KHDRBS2: variants seen among roughly 807,000 people sequenced by gnomAD.
The protein encoded by KHDRBS2 is KH RNA binding domain containing, signal transduction associated 2.
A neutral mutation model predicts 44.3 loss-of-function variants in KHDRBS2; 26 were observed. That is an observed-to-expected ratio of 0.59 (90% confidence interval 0.43 to 0.81). KHDRBS2 has a LOEUF of 0.81. Among genes scored for constraint, KHDRBS2 ranks in the 40% least tolerant of loss-of-function variants. The pLI, the probability that KHDRBS2 is intolerant of heterozygous loss-of-function variation, is 0.00. For synonymous variants in KHDRBS2, 194 were observed against 151.1 expected, an observed-to-expected ratio of 1.28 and a Z score of -2.08; for missense variants, 476 against 433.1, an observed-to-expected ratio of 1.10 and a Z score of -0.88.
intron 2 of KHDRBS2, among the ~76,000 whole-genome samples, chr6:62,115,107 A>T (rs1337732368): frequency 6.6e-6 from 1 of 152,192 alleles, no homozygotes; most frequent in Non-Finnish European, 1.5e-5. Context: ...ATTTTCTTGA[A>T]AAATATACAC....
At chr6:61,791,896 A>G (rs538924310) in intron 6 of KHDRBS2, among the ~76,000 whole-genome samples, 14 of 151,414 alleles carry the variant, frequency 9.2e-5, no homozygotes, top group Non-Finnish European at 7.4e-5. Context: ...TCCATTTATA[A>G]CTATTATAAT....
chr6:61,949,122 T>A (rs888219098), intron 4 of KHDRBS2, among the ~76,000 whole-genome samples: 2 of 152,146 alleles, frequency 1.3e-5, no homozygotes, highest in Non-Finnish European at 2.9e-5. Flanking sequence ...TGGAAGAGGC[T>A]GTGATTGTCA....
intron 6 of KHDRBS2, among the ~76,000 whole-genome samples, chr6:61,828,144 G>T (rs1791211813): frequency 6.6e-6 from 1 of 152,138 alleles, no homozygotes; most frequent in African/African-American, 2.4e-5. Context: ...CAAGCCTTCT[G>T]GATTTCCTGA....
intron 8 of KHDRBS2, among the ~76,000 whole-genome samples, chr6:61,682,764 T>G (rs1766440663): frequency 6.6e-6 from 1 of 151,878 alleles, no homozygotes; most frequent in South Asian, 2.1e-4. Flanking sequence ...GGCAGGAATT[T>G]ATCCCCAAAC....
chr6:62,237,829 A>C (rs1585350314), intron 1 of KHDRBS2, among the ~76,000 whole-genome samples: 1 of 152,246 alleles, frequency 6.6e-6, no homozygotes, highest in South Asian at 2.1e-4. Flanking sequence ...TCACGAGGTC[A>C]GGAGTTTCAG....
At chr6:61,681,706 C>T (rs1766330169) in intron 8 of KHDRBS2, among the ~76,000 whole-genome samples, 1 of 151,772 alleles carries the variant, frequency 6.6e-6, no homozygotes, top group African/African-American at 2.4e-5. Context: ...ATTAGTACAC[C>T]AGGAAAACTC....
intron 2 of KHDRBS2, among the ~76,000 whole-genome samples, chr6:62,065,908 C>A (rs951759811): frequency 1.3e-5 from 2 of 151,680 alleles, no homozygotes; most frequent in Non-Finnish European, 1.5e-5. Flanking sequence ...ATTCATTCTG[C>A]TATAAATAAT....
At chr6:61,953,445 T>C (rs1765193180) in intron 4 of KHDRBS2, among the ~76,000 whole-genome samples, 1 of 152,050 alleles carries the variant, frequency 6.6e-6, no homozygotes, top group African/African-American at 2.4e-5. Flanking sequence ...ATATACATGC[T>C]GACTCAGAAC....
chr6:62,066,137 T>G (rs1246181650), intron 2 of KHDRBS2, among the ~76,000 whole-genome samples: 4 of 118,674 alleles, frequency 3.4e-5, no homozygotes, highest in Non-Finnish European at 6.1e-5. Flanking sequence ...AAAAATATCA[T>G]TATTAAGTGA....
intron 3 of KHDRBS2, among the ~76,000 whole-genome samples, chr6:62,038,740 A>G (rs1584301296): frequency 6.6e-6 from 1 of 152,194 alleles, no homozygotes; most frequent in East Asian, 1.9e-4. Flanking sequence ...TTTCTCTTTA[A>G]AAAACATGGC....
intron 4 of KHDRBS2, among the ~76,000 whole-genome samples, chr6:61,915,038 G>A (rs1318429673): frequency 1.3e-5 from 2 of 152,050 alleles, no homozygotes; most frequent in African/African-American, 4.8e-5. Context: ...TAATAACCCA[G>A]TTTTCCTAAG....
At chr6:61,815,385 G>A (rs1444804648) in intron 6 of KHDRBS2, among the ~76,000 whole-genome samples, 1 of 152,114 alleles carries the variant, frequency 6.6e-6, no homozygotes, top group Non-Finnish European at 1.5e-5. Context: ...AACTGAAACT[G>A]CAGTAAGCAA....
intron 4 of KHDRBS2, among the ~76,000 whole-genome samples, chr6:61,976,561 T>A (rs1772715511): frequency 6.6e-6 from 1 of 152,116 alleles, no homozygotes; most frequent in African/African-American, 2.4e-5. Context: ...ACAATATATT[T>A]AAACCATCCA....
intron 4 of KHDRBS2, among the ~76,000 whole-genome samples, chr6:61,953,083 C>A (rs1272145905): frequency 6.6e-6 from 1 of 151,140 alleles, no homozygotes; most frequent in South Asian, 2.1e-4. Flanking sequence ...CATATTTGGC[C>A]CAAATTAGAG....
chr6:62,170,952 C>CAAA (rs34963723), intron 2 of KHDRBS2, among the ~76,000 whole-genome samples: 16 of 129,812 alleles, frequency 1.2e-4, no homozygotes, highest in South Asian at 7.4e-4. Context: ...AAGATAAACG[C>CAAA]AAAAAAAAAA....
At chr6:62,283,547 A>C (rs2150198485) in intron 1 of KHDRBS2, among the ~76,000 whole-genome samples, 1 of 152,258 alleles carries the variant, frequency 6.6e-6, no homozygotes, top group Admixed American at 6.5e-5. Flanking sequence ...TACTGACTGA[A>C]ATGTACTTTG....
At chr6:61,982,090 T>C (rs1276292838) in intron 3 of KHDRBS2, among the ~76,000 whole-genome samples, 1 of 152,196 alleles carries the variant, frequency 6.6e-6, no homozygotes, top group Non-Finnish European at 1.5e-5. Context: ...CATAGGTAGT[T>C]ACTATTAATA....
chr6:62,187,456 A>G (rs1291917630), intron 1 of KHDRBS2, among the ~76,000 whole-genome samples: 3 of 152,284 alleles, frequency 2.0e-5, no homozygotes, highest in Non-Finnish European at 2.9e-5. Flanking sequence ...CTTACAGTCT[A>G]GGGAGGTAGA....
intron 6 of KHDRBS2, among the ~76,000 whole-genome samples, chr6:61,739,638 T>C (rs1775870275): frequency 6.6e-6 from 1 of 151,922 alleles, no homozygotes; most frequent in Non-Finnish European, 1.5e-5. Flanking sequence ...TAACATTTTC[T>C]CCATAGCTTT....
Sources: allele counts gnomAD v4.1 joint callset (sites outside exome capture counted in the v4.1 genomes callset), GRCh38; gene constraint gnomAD v4.1.1; transcripts MANE v1.5; gene names NCBI Gene and HGNC (gene_info 2026-07-23, HGNC 2026-07-21).